The following DGKI variants were observed in gnomAD, a reference collection of about 807,000 sequenced individuals.
The protein encoded by DGKI is DAG kinase iota.
Under a neutral mutation model 147.5 loss-of-function variants are expected in DGKI, and 55 were observed. That is an observed-to-expected ratio of 0.37 (90% CI 0.30 to 0.47). The LOEUF (loss-of-function observed/expected upper bound fraction) is 0.47, where lower values mean the gene tolerates loss of function less well. Ranked by LOEUF, DGKI falls within the 20% of genes least tolerant of loss-of-function variation. DGKI has a pLI of 1.00. For synonymous variants in DGKI, 469 were observed against 477.1 expected, an observed-to-expected ratio of 0.98 and a Z score of 0.22; for missense variants, 1,007 against 1,323.8, an observed-to-expected ratio of 0.76 and a Z score of 3.71.
chr7:137,480,430 G>A (rs901882591), intron 23 of DGKI, among the ~76,000 whole-genome samples: 2 of 152,296 alleles, frequency 1.3e-5, no homozygotes, highest in Admixed American at 6.5e-5. Context: ...AGAATAAAGA[G>A]AAAGGGGATG....
intron 17 of DGKI, among the ~76,000 whole-genome samples, chr7:137,574,331 T>C (rs1478390135): frequency 6.6e-6 from 1 of 152,212 alleles, no homozygotes; most frequent in South Asian, 2.1e-4. Flanking sequence ...TCCAACTTAC[T>C]TAAGAACTTG....
At chr7:137,574,777 A>T (rs1818913572) in intron 17 of DGKI, among the ~76,000 whole-genome samples, 1 of 152,218 alleles carries the variant, frequency 6.6e-6, no homozygotes, top group African/African-American at 2.4e-5. Flanking sequence ...AAATAACAAG[A>T]AGAAAATATG....
intron 3 of DGKI, among the ~76,000 whole-genome samples, chr7:137,665,142 T>C (rs766928757): frequency 3.9e-5 from 6 of 152,122 alleles, no homozygotes; most frequent in Non-Finnish European, 7.4e-5. Context: ...TTGCAGGTCG[T>C]GGTTAAGACA....
intron 10 of DGKI, among the ~76,000 whole-genome samples, chr7:137,607,405 G>A (rs1390230654): frequency 6.6e-6 from 1 of 152,116 alleles, no homozygotes; most frequent in African/African-American, 2.4e-5. Context: ...GAAATAGGAA[G>A]CAATATTAGA....
intron 28 of DGKI, among the ~76,000 whole-genome samples, chr7:137,433,993 C>T (rs934487990): frequency 7.2e-5 from 11 of 152,012 alleles, no homozygotes; most frequent in African/African-American, 2.2e-4. Context: ...GTAGCACACA[C>T]CTGTAATTCC....
At chr7:137,844,055 T>G (rs1798639021) in intron 1 of DGKI, among the ~76,000 whole-genome samples, 1 of 151,888 alleles carries the variant, frequency 6.6e-6, no homozygotes, top group Non-Finnish European at 1.5e-5. Flanking sequence ...GGTGGTGTGG[T>G]CCCCACCAAG....
intron 8 of DGKI, among the ~76,000 whole-genome samples, chr7:137,612,220 G>A (rs1288515219): frequency 7.0e-6 from 1 of 142,188 alleles, no homozygotes; most frequent in African/African-American, 2.8e-5. Flanking sequence ...CACAAAACGG[G>A]CTTTTTTTTT....
chr7:137,804,794 T>C (rs1797316730), intron 1 of DGKI, among the ~76,000 whole-genome samples: 1 of 152,246 alleles, frequency 6.6e-6, no homozygotes, highest in African/African-American at 2.4e-5. Flanking sequence ...TGTTTATCCT[T>C]TGGGAGTAGA....
In DGKI at chr7:137,450,258, A is replaced by T. The variant is rs556135089; in HGVS notation, c.2736-6156T>A. Among the ~76,000 whole-genome samples the T allele has an allele frequency of 2.9e-4, 44 of 152,348 alleles. No individual in the cohort carries two copies. In the South Asian group the frequency reaches 8.9e-3, roughly 31 times the overall value. On this transcript the variant is annotated intron_variant, in intron 27 of 32. Coordinates refer to ENST00000614521, the MANE Select transcript of DGKI (RefSeq NM_001321708.2). The stretch of plus-strand genomic sequence containing the variant: ...GTTAAGGATGATACACTGCATTCTT[A>T]AAAAATGCTAAGAGAGTAGATGCTA...
intron 1 of DGKI, among the ~76,000 whole-genome samples, chr7:137,812,463 G>C (rs1357665622): frequency 6.6e-6 from 1 of 152,096 alleles, no homozygotes; most frequent in East Asian, 1.9e-4. Context: ...TATTTCCCTA[G>C]AGTCTTAGAG....
At chr7:137,836,689 T>A (rs1798390935) in intron 1 of DGKI, among the ~76,000 whole-genome samples, 1 of 152,214 alleles carries the variant, frequency 6.6e-6, no homozygotes, top group Non-Finnish European at 1.5e-5. Context: ...ACTGGATTTA[T>A]TCCCCCGTCT....
At chr7:137,458,683 T>C (rs1337992213) in intron 27 of DGKI, among the ~76,000 whole-genome samples, 1 of 152,194 alleles carries the variant, frequency 6.6e-6, no homozygotes, top group East Asian at 1.9e-4. Context: ...TCTTTTCTCA[T>C]AGATCCTCAA....
At chr7:137,503,052 G>A (rs7781490) in intron 21 of DGKI, among the ~76,000 whole-genome samples, 28,690 of 152,070 alleles carry the variant, frequency 0.19, 6,211 homozygotes, top group African/African-American at 0.52. Context: ...ACACATTCTC[G>A]TGAACATACT....
intron 28 of DGKI, among the ~76,000 whole-genome samples, chr7:137,412,889 A>G (rs1230916899): frequency 1.3e-5 from 2 of 152,204 alleles, no homozygotes; most frequent in African/African-American, 4.8e-5. Context: ...GGTAATAGGT[A>G]ACTTAAACTA....
At chr7:137,679,395 A>G (rs1823150879) in intron 2 of DGKI, among the ~76,000 whole-genome samples, 1 of 150,270 alleles carries the variant, frequency 6.7e-6, no homozygotes, top group Non-Finnish European at 1.5e-5. Flanking sequence ...GGAAAGGGGG[A>G]AGCAAACTGT....
chr7:137,509,490 T>C (rs947128392), intron 21 of DGKI, among the ~76,000 whole-genome samples: 5 of 152,086 alleles, frequency 3.3e-5, no homozygotes, highest in African/African-American at 1.2e-4. Context: ...GACAGTGAAG[T>C]CGTTTTGCAT....
chr7:137,425,385 A>G (rs1162439401), intron 28 of DGKI, among the ~76,000 whole-genome samples: 10 of 152,216 alleles, frequency 6.6e-5, no homozygotes, highest in Non-Finnish European at 1.3e-4. Flanking sequence ...CATCCACACC[A>G]AAAACCCATC....
chr7:137,610,576 C>T (rs1231505135), intron 8 of DGKI, among the ~76,000 whole-genome samples: 2 of 152,006 alleles, frequency 1.3e-5, no homozygotes, highest in Non-Finnish European at 2.9e-5. Flanking sequence ...TATTACTGAC[C>T]ATATAATAGA....
At chr7:137,639,599 T>C (rs902539113) in intron 6 of DGKI, among the ~76,000 whole-genome samples, 1 of 152,146 alleles carries the variant, frequency 6.6e-6, no homozygotes, top group Non-Finnish European at 1.5e-5. Flanking sequence ...GCAGGTCATC[T>C]GGGTTCACAA....
Sources: allele counts gnomAD v4.1 joint callset (sites outside exome capture counted in the v4.1 genomes callset), GRCh38; gene constraint gnomAD v4.1.1; transcripts MANE v1.5; gene names NCBI Gene and HGNC (gene_info 2026-07-23, HGNC 2026-07-21).